Variants in UPP2 observed in about 807,000 individuals in gnomAD.
UPP2 encodes the protein UPase 2.
A neutral mutation model predicts 26.7 loss-of-function variants in UPP2; 23 were observed. That is an observed-to-expected ratio of 0.86 (90% CI 0.62 to 1.22). UPP2 has a LOEUF of 1.22. Among genes scored for constraint, UPP2 ranks in the 50% most tolerant of loss-of-function variants. The pLI, the probability that UPP2 is intolerant of heterozygous loss-of-function variation, is 0.00. For synonymous variants in UPP2, 127 were observed against 141.3 expected (o/e 0.90, Z 0.72); for missense variants, 387 against 396.7 (o/e 0.98, Z 0.21).
chr2:158,051,024 G>T (rs913350255), intron 3 of UPP2, among the ~76,000 whole-genome samples: 2 of 151,604 alleles, frequency 1.3e-5, no homozygotes, highest in Non-Finnish European at 2.9e-5. Flanking sequence ...AACATCTCAG[G>T]TACCCCAGAA....
intron 3 of UPP2, among the ~76,000 whole-genome samples, chr2:158,057,890 A>C (rs545428977): frequency 6.6e-6 from 1 of 152,146 alleles, no homozygotes; most frequent in African/African-American, 2.4e-5. Context: ...TTGAAGCCCT[A>C]AACTCCAATA....
At chr2:158,109,652 A>G (rs1002332477) in intron 2 of UPP2, among the ~76,000 whole-genome samples, 7 of 152,164 alleles carry the variant, frequency 4.6e-5, no homozygotes, top group Non-Finnish European at 8.8e-5. Flanking sequence ...AGTCACTGGA[A>G]CCCAGACAAA....
intron 3 of UPP2, among the ~76,000 whole-genome samples, chr2:158,055,717 C>T (rs1292972313): frequency 6.6e-6 from 1 of 152,168 alleles, no homozygotes; most frequent in African/African-American, 2.4e-5. Context: ...CCAACTCCAG[C>T]ATTTCCAGCA....
chr2:158,091,745 G>A (rs778955347), intron 3 of UPP2, among the ~76,000 whole-genome samples: 8 of 152,266 alleles, frequency 5.3e-5, no homozygotes, highest in East Asian at 1.9e-4. Flanking sequence ...CCTGGGCTCC[G>A]TTTTACATGC....
intron 3 of UPP2, among the ~76,000 whole-genome samples, chr2:158,041,638 A>G (rs1464824185): frequency 1.3e-5 from 2 of 152,234 alleles, no homozygotes; most frequent in African/African-American, 4.8e-5. Flanking sequence ...GTGACCAACA[A>G]AGATCTTGAT....
At chr2:158,076,767 A>C (rs773530951) in intron 3 of UPP2, among the ~76,000 whole-genome samples, 6 of 152,048 alleles carry the variant, frequency 3.9e-5, no homozygotes, top group Non-Finnish European at 8.8e-5. Context: ...AACACGTCAA[A>C]GATGCCTGCT....
chr2:158,036,929 G>A (rs1484177987), intron 3 of UPP2, among the ~76,000 whole-genome samples: 1 of 152,160 alleles, frequency 6.6e-6, no homozygotes, highest in Admixed American at 6.5e-5. Context: ...AAAAGAAAGT[G>A]ACACATCTCC....
intron 3 of UPP2, among the ~76,000 whole-genome samples, chr2:158,116,042 G>T (rs1400360743): frequency 2.0e-5 from 3 of 152,186 alleles, no homozygotes; most frequent in African/African-American, 4.8e-5. Context: ...GCTGTAAGTG[G>T]CTCCTACCAT....
intron 3 of UPP2, among the ~76,000 whole-genome samples, chr2:158,026,897 A>G (rs1558907565): frequency 1.3e-5 from 2 of 152,168 alleles, no homozygotes; most frequent in Admixed American, 6.5e-5. Flanking sequence ...AGTGAGGAAG[A>G]TGCAAAAGCG....
rs182052506 is a variant in UPP2 at position 158,115,543 on chromosome 2, C to T, written c.339+284C>T. 2.2e-3 allele frequency among the ~76,000 whole-genome samples: 342 copies of T among 152,260 alleles called. 2 individuals are homozygous for T. Among genetic ancestry groups the T allele is most frequent in the Admixed American group, 4.1e-3 (62 of 15,298 alleles). ...GTAACTGGTTAACACCCCTCACCCC[C>T]GCCACGGCAATTTTCCTTCTTCTAT... On this transcript the variant is annotated intron_variant, in intron 3 of 6. Transcript: ENST00000005756.
chr2:158,044,639 A>G (rs1684125810), intron 3 of UPP2, among the ~76,000 whole-genome samples: 1 of 152,222 alleles, frequency 6.6e-6, no homozygotes, highest in Non-Finnish European at 1.5e-5. Flanking sequence ...TCTTAAATTA[A>G]TGCTTATGTT....
intron 3 of UPP2, among the ~76,000 whole-genome samples, chr2:158,046,432 C>A (rs1574261667): frequency 6.6e-6 from 1 of 152,162 alleles, no homozygotes. Flanking sequence ...AAGGACTCCC[C>A]CAGCCAGAGA....
At chr2:158,039,534 G>A (rs1684055381) in intron 3 of UPP2, among the ~76,000 whole-genome samples, 1 of 152,204 alleles carries the variant, frequency 6.6e-6, no homozygotes, top group South Asian at 2.1e-4. Flanking sequence ...AAAGGCCAGA[G>A]GGTCTTTAAG....
intron 2 of UPP2, among the ~76,000 whole-genome samples, chr2:158,003,046 G>C (rs184291136): frequency 1.8e-4 from 28 of 152,280 alleles, no homozygotes; most frequent in African/African-American, 5.8e-4. Flanking sequence ...TATTAAGTTT[G>C]ATGCAGTCTC....
At chr2:158,093,147 C>CT (rs1454987795) in intron 3 of UPP2, among the ~76,000 whole-genome samples, 2 of 152,146 alleles carry the variant, frequency 1.3e-5, no homozygotes, top group Admixed American at 6.5e-5. Context: ...TCTCAAACTC[C>CT]TGACGTCAAG....
Position 158,117,866 on chromosome 2 carries a change from C to T in UPP2, c.382C>T (p.Leu128Phe). The change falls in exon 4 of 7, where the codon CTC becomes TTC. Residue 128 changes from leucine (L) to phenylalanine (F), a missense_variant. By Grantham distance (22) the Leu-to-Phe change is conservative. Coordinates refer to ENST00000005756, the MANE Select transcript of UPP2 (RefSeq NM_173355.4). ...CTCCATTTCTATTATGCTTCATGAA[C>T]TCATCAAATTACTCCACCATGCACG... ...IPSISIMLHE[L>F]IKLLHHARCC... The T allele has an allele frequency of 6.2e-7, 1 of 1,613,182 alleles. No homozygotes were observed. The highest frequency in any genetic ancestry group is 8.5e-7 in the Non-Finnish European group (1 of 1,179,214).
chr2:158,056,784 C>A (rs1029438842), intron 3 of UPP2, among the ~76,000 whole-genome samples: 12 of 152,204 alleles, frequency 7.9e-5, no homozygotes, highest in Non-Finnish European at 1.8e-4. Context: ...AGTTACACTG[C>A]AATGACCTTA....
upstream of UPP2, chr2:158,101,819 G>A (rs760743193): frequency 2.4e-4 from 306 of 1,252,448 alleles, 1 homozygote; most frequent in Non-Finnish European, 2.9e-4. Flanking sequence ...AGGAAGTGCT[G>A]CTCTGAGAGC....
intron 3 of UPP2, among the ~76,000 whole-genome samples, chr2:158,019,639 AACACACACACACACAC>A (rs57149695): frequency 0.01 from 1,462 of 141,182 alleles, 27 homozygotes; most frequent in African/African-American, 0.035. Flanking sequence ...AATCCTTTAA[AACACACACACACACAC>A]ACACACACAC....
Sources: allele counts gnomAD v4.1 joint callset (sites outside exome capture counted in the v4.1 genomes callset), GRCh38; gene constraint gnomAD v4.1.1; transcripts MANE v1.5; gene names NCBI Gene and HGNC (gene_info 2026-07-23, HGNC 2026-07-21).